Variants in GFOD2 observed in about 807,000 individuals in gnomAD.
GFOD2 encodes the protein Gfo/Idh/MocA-like oxidoreductase domain containing 2, also known as glucose-fructose oxidoreductase domain-containing protein 2.
A neutral mutation model predicts 24.6 loss-of-function variants in GFOD2; 9 were observed. The observed-to-expected ratio is 0.37, with a 90% CI of 0.22 to 0.64. The LOEUF is 0.64. Ranked by LOEUF, GFOD2 falls within the 30% of genes least tolerant of loss-of-function variation. GFOD2 has a pLI of 0.65. For missense variants in GFOD2, 476 were observed against 532.5 expected, an observed-to-expected ratio of 0.89 and a Z score of 1.04; for synonymous variants, 211 against 224.8, an observed-to-expected ratio of 0.94 and a Z score of 0.55.
intron 1 of GFOD2, among the ~76,000 whole-genome samples, chr16:67,713,566 T>G (rs1471876491): frequency 6.6e-6 from 1 of 152,190 alleles, no homozygotes; most frequent in Non-Finnish European, 1.5e-5. Flanking sequence ...CTCCTTCAGA[T>G]CAACTAATTT....
At chr16:67,689,953 G>A (rs2053298666) in intron 1 of GFOD2, among the ~76,000 whole-genome samples, 1 of 152,078 alleles carries the variant, frequency 6.6e-6, no homozygotes, top group African/African-American at 2.4e-5. Context: ...TTTGTGACTA[G>A]CTTATTTTGG....
chr16:67,698,363 A>C, intron 1 of GFOD2, among the ~76,000 whole-genome samples: 1 of 152,168 alleles, frequency 6.6e-6, no homozygotes, highest in East Asian at 1.9e-4. Context: ...TACTACTCAC[A>C]CTATTGTGAA....
At chr16:67,682,526 C>G in intron 2 of GFOD2, 1 of 985,332 alleles carries the variant, frequency 1.0e-6, no homozygotes, top group African/African-American at 1.7e-5. Context: ...CTTCCCCTCT[C>G]CCCTTTAAGA....
intron 2 of GFOD2, among the ~76,000 whole-genome samples, chr16:67,679,813 G>A (rs1167677546): frequency 2.6e-5 from 4 of 152,000 alleles, no homozygotes; most frequent in Non-Finnish European, 4.4e-5. Context: ...CTTGAACCCC[G>A]GAGGCGGAGG....
At chr16:67,677,127 T>C (rs999184363) in intron 2 of GFOD2, 8 of 152,160 alleles carry the variant, frequency 5.3e-5, no homozygotes, top group Non-Finnish European at 1.0e-4. Flanking sequence ...CAATGTGCAA[T>C]AGCTTCTCGG....
At chr16:67,685,317 C>T in intron 2 of GFOD2, 140 bp downstream of exon 2, 1 of 1,485,336 alleles carries the variant, frequency 6.7e-7, no homozygotes, top group African/African-American at 1.4e-5. Flanking sequence ...AGCACTGCTT[C>T]AGGGACAAGT....
intron 1 of GFOD2, among the ~76,000 whole-genome samples, chr16:67,686,875 G>A (rs1029770384): frequency 3.3e-5 from 5 of 150,936 alleles, no homozygotes; most frequent in African/African-American, 4.9e-5. Context: ...GGCCGGGCGT[G>A]GTGGCTCATG....
At chr16:67,692,612 C>A (rs529454095) in intron 1 of GFOD2, among the ~76,000 whole-genome samples, 1 of 150,474 alleles carries the variant, frequency 6.6e-6, no homozygotes, top group Admixed American at 6.7e-5. Flanking sequence ...AACCCACACA[C>A]ATGCACAGAA....
chr16:67,675,833 G>A lies in GFOD2; in HGVS notation c.480C>T (p.Pro160=). Residue 160 remains proline, a synonymous_variant, in exon 3 of 3, where the codon CCC becomes CCT. Coordinates refer to ENST00000268797, the MANE Select transcript of GFOD2 (RefSeq NM_030819.4). ...GCTCATCACAGATCCAGCCATAGCT[G>A]GGGCTCAGCAGGCTGCCTGAGTAGA... is the stretch of plus-strand genomic sequence containing the variant. ...ARIYSGSLLS[P]SYGWICDELM... 1 of 1,614,202 alleles carries A rather than the reference G, an allele frequency of 6.2e-7. No homozygotes were observed.
At chr16:67,692,036 T>G (rs2053317916) in intron 1 of GFOD2, among the ~76,000 whole-genome samples, 1 of 152,006 alleles carries the variant, frequency 6.6e-6, no homozygotes, top group East Asian at 1.9e-4. Context: ...GTATGTGTGT[T>G]CCCAAAGAAA....
intron 1 of GFOD2, among the ~76,000 whole-genome samples, chr16:67,708,659 TG>T (rs2053453894): frequency 6.6e-6 from 1 of 152,312 alleles, no homozygotes; most frequent in East Asian, 1.9e-4. Flanking sequence ...GACTTGGCAC[TG>T]AAAGAGTGGC....
At chr16:67,717,790 C>CGATAGATAGATAGATA (rs56029322) in intron 1 of GFOD2, among the ~76,000 whole-genome samples, 3,141 of 151,118 alleles carry the variant, frequency 0.021, 90 homozygotes, top group South Asian at 0.074. Flanking sequence ...GACTCCGTCT[C>CGATAGATAGATAGATA]GATAGATAGA....
At chr16:67,687,802 C>T (rs1051735495) in intron 1 of GFOD2, among the ~76,000 whole-genome samples, 2 of 117,708 alleles carry the variant, frequency 1.7e-5, no homozygotes, top group South Asian at 3.1e-4. Flanking sequence ...AGACACCCAT[C>T]TTTACTAAAA....
chr16:67,692,811 G>C (rs552239963), intron 1 of GFOD2, among the ~76,000 whole-genome samples: 1 of 151,402 alleles, frequency 6.6e-6, no homozygotes, highest in African/African-American at 2.4e-5. Context: ...CGAATCACGA[G>C]GTCAGGAGAT....
In GFOD2 at chr16:67,687,270, A is replaced by G. The variant is rs185981821; in HGVS notation, c.-87-1468T>C. On this transcript the variant is annotated intron_variant, in intron 1 of 2. Coordinates refer to ENST00000268797, the MANE Select transcript of GFOD2 (RefSeq NM_030819.4). ...TTAAAATTTTCATGGTAGCAAACAT[A>G]GGAAAATGCTCACTAGAAAAAAAAA... 7.2e-4 allele frequency among the ~76,000 whole-genome samples: 109 copies of G among 152,260 alleles called. 1 individual carries two copies. Among genetic ancestry groups the G allele is most frequent in the South Asian group, 4.6e-3 (22 of 4,830 alleles).
intron 2 of GFOD2, chr16:67,685,052 A>G (rs2053255772): frequency 2.7e-6 from 3 of 1,124,422 alleles, no homozygotes; most frequent in South Asian, 3.1e-5. Context: ...GGGAAATGGT[A>G]GCCTTGCTAC....
intron 1 of GFOD2, among the ~76,000 whole-genome samples, chr16:67,696,840 G>T (rs1335817597): frequency 1.3e-5 from 2 of 152,194 alleles, no homozygotes; most frequent in African/African-American, 2.4e-5. Context: ...TCCCATAAAG[G>T]GGTATTGGCT....
intron 1 of GFOD2, among the ~76,000 whole-genome samples, chr16:67,715,169 C>G (rs925810817): frequency 1.3e-5 from 2 of 152,122 alleles, no homozygotes; most frequent in African/African-American, 2.4e-5. Flanking sequence ...AGCAATTCTC[C>G]CGCCTCAGCC....
chr16:67,679,398 T>C (rs1433126054), intron 2 of GFOD2, among the ~76,000 whole-genome samples: 1 of 151,756 alleles, frequency 6.6e-6, no homozygotes, highest in Non-Finnish European at 1.5e-5. Flanking sequence ...CATGCCCAGC[T>C]AAGTTTTTTG....
Sources: allele counts gnomAD v4.1 joint callset (sites outside exome capture counted in the v4.1 genomes callset), GRCh38; gene constraint gnomAD v4.1.1; transcripts MANE v1.5; gene names NCBI Gene and HGNC (gene_info 2026-07-23, HGNC 2026-07-21).